The following DRC3 variants were observed in gnomAD, a reference collection of about 807,000 sequenced individuals.
DRC3 encodes leucine rich repeat containing 48.
Under a neutral mutation model 57.6 loss-of-function variants are expected in DRC3, and 45 were observed. That is an observed-to-expected ratio of 0.78 (90% CI 0.62 to 1.00). The LOEUF is 1.00. Among genes scored for constraint, DRC3 ranks in the 50% least tolerant of loss-of-function variants. DRC3 has a pLI of 0.00. For synonymous variants in DRC3, 257 were observed against 272.3 expected (o/e 0.94, Z 0.55); for missense variants, 655 against 675.2 (o/e 0.97, Z 0.33).
At chr17:17,978,351 T>TG (rs1455767551) in intron 3 of DRC3, among the ~76,000 whole-genome samples, 1 of 151,752 alleles carries the variant, frequency 6.6e-6, no homozygotes, top group South Asian at 2.1e-4. Context: ...GAGCATTGGG[T>TG]GGGGGGACAA....
chr17:17,981,424 G>GTGA (rs2042679566), intron 3 of DRC3: 1 of 165,012 alleles, frequency 6.1e-6, no homozygotes, highest in African/African-American at 2.4e-5. Flanking sequence ...GGGTATCCCT[G>GTGA]TGATGAGGTA....
At chr17:17,976,411 GGCTCAT>G (rs1457271007) in intron 2 of DRC3, among the ~76,000 whole-genome samples, 6 of 152,222 alleles carry the variant, frequency 3.9e-5, no homozygotes, top group African/African-American at 9.6e-5. Flanking sequence ...TGGGCACGGT[GGCTCAT>G]GCCTGTAATC....
intron 5 of DRC3, 99 bp from the exon 6 acceptor site, chr17:17,992,666 C>A: frequency 7.5e-7 from 1 of 1,330,960 alleles, no homozygotes; most frequent in Non-Finnish European, 1.0e-6. Context: ...GGTGCTGTGG[C>A]CAGGCTGACT....
chr17:18,000,247 AGTGTGTGT>A (rs34029124), intron 9 of DRC3, among the ~76,000 whole-genome samples: 28 of 58,468 alleles, frequency 4.8e-4, no homozygotes, highest in African/African-American at 1.5e-3. Flanking sequence ...CTTTCACGTG[AGTGTGTGT>A]GTGTGTGTGT....
At chr17:17,983,732 T>C in intron 3 of DRC3, 96 bp from the exon 4 acceptor site, 1 of 819,468 alleles carries the variant, frequency 1.2e-6, no homozygotes, top group Non-Finnish European at 2.0e-6. Flanking sequence ...AGAAGAGTTC[T>C]AGGTCCCTTT....
intron 5 of DRC3, among the ~76,000 whole-genome samples, chr17:17,990,166 C>G (rs534895737): frequency 6.6e-6 from 1 of 152,296 alleles, no homozygotes; most frequent in South Asian, 2.1e-4. Context: ...TGATCAAGCC[C>G]CCTCAGGGTC....
intron 3 of DRC3, among the ~76,000 whole-genome samples, chr17:17,982,295 A>G (rs1448708407): frequency 6.7e-6 from 1 of 149,454 alleles, no homozygotes; most frequent in Admixed American, 6.7e-5. Flanking sequence ...GGCTCACTGA[A>G]AGCTCCGCCT....
At chr17:17,977,284 T>G in intron 2 of DRC3, 1 of 349,028 alleles carries the variant, frequency 2.9e-6, no homozygotes. Flanking sequence ...TGAGTCAAGA[T>G]CACAGGCTAG....
chr17:17,980,994 C>T (rs991476900), intron 3 of DRC3, among the ~76,000 whole-genome samples: 6 of 152,192 alleles, frequency 3.9e-5, no homozygotes, highest in Non-Finnish European at 7.3e-5. Context: ...AAAATAAAAG[C>T]AGTGCTTTAC....
Position 17,997,444 on chromosome 17 carries a change from C to T in DRC3, c.825-16C>T, listed in dbSNP as rs1416908266. On this transcript the variant is annotated splice_polypyrimidine_tract_variant and intron_variant, in intron 8 of 13. Coordinates refer to ENST00000399187, the MANE Select transcript of DRC3 (RefSeq NM_031294.4). ...TGCTCCTGAAACAGCTGTGGGCTTC[C>T]TTAACAGCCACTCACCTACAAGGAC... 1.9e-6 allele frequency: 3 copies of T among 1,611,642 alleles called. No individual in the cohort carries two copies. The highest frequency in any genetic ancestry group is 2.5e-6 in the Non-Finnish European group (3 of 1,179,134).
intron 9 of DRC3, among the ~76,000 whole-genome samples, chr17:18,001,650 G>A (rs2043735621): frequency 6.6e-6 from 1 of 152,070 alleles, no homozygotes; most frequent in African/African-American, 2.4e-5. Flanking sequence ...AATTTTTTTG[G>A]CTGGGGGAGG....
At chr17:17,976,564 C>G (rs2042395364) in intron 2 of DRC3, among the ~76,000 whole-genome samples, 1 of 152,142 alleles carries the variant, frequency 6.6e-6, no homozygotes. Flanking sequence ...ACCTGAAATC[C>G]TAGTTACTCA....
chr17:17,995,494 T>G (rs2043422631), intron 8 of DRC3: 1 of 185,464 alleles, frequency 5.4e-6, no homozygotes, highest in African/African-American at 2.4e-5. Flanking sequence ...GGTACCATCA[T>G]TAACCCCATT....
intron 5 of DRC3, among the ~76,000 whole-genome samples, chr17:17,991,400 C>G (rs1306961838): frequency 6.9e-6 from 1 of 144,386 alleles, no homozygotes; most frequent in East Asian, 2.2e-4. Flanking sequence ...AAGCGATTCT[C>G]CTGCCTCAGC....
At chr17:18,000,396 GTT>G (rs2043679298) in intron 9 of DRC3, among the ~76,000 whole-genome samples, 1 of 151,482 alleles carries the variant, frequency 6.6e-6, no homozygotes, top group Non-Finnish European at 1.5e-5. Context: ...AGCATGCCTT[GTT>G]CTGTACTTTG....
At chr17:18,010,855 C>G in intron 12 of DRC3, 1 of 368,056 alleles carries the variant, frequency 2.7e-6, no homozygotes, top group South Asian at 2.2e-5. Flanking sequence ...GATCAAGTCC[C>G]TGGAAGAGAT....
chr17:17,973,488 A>G (rs1422466125), intron 1 of DRC3, among the ~76,000 whole-genome samples: 1 of 152,224 alleles, frequency 6.6e-6, no homozygotes, highest in Non-Finnish European at 1.5e-5. Context: ...TAGCTGGGAA[A>G]TAAGGGCATT....
intron 6 of DRC3, chr17:17,993,939 G>A: frequency 3.8e-6 from 1 of 265,006 alleles, no homozygotes. Context: ...CCTGCTGAGG[G>A]CTGTTGGGAG....
chr17:18,006,416 C>A, intron 11 of DRC3, 163 bp downstream of exon 11: 1 of 616,974 alleles, frequency 1.6e-6, no homozygotes, highest in East Asian at 2.7e-5. Flanking sequence ...CCCAGAGGGA[C>A]AACATCCAAA....
Sources: allele counts gnomAD v4.1 joint callset (sites outside exome capture counted in the v4.1 genomes callset), GRCh38; gene constraint gnomAD v4.1.1; transcripts MANE v1.5; gene names NCBI Gene and HGNC (gene_info 2026-07-23, HGNC 2026-07-21).